The following CRADD variants were observed in gnomAD, a reference collection of about 807,000 sequenced individuals.
CRADD encodes death domain-containing protein CRADD.
In CRADD, 9 loss-of-function variants were observed where a neutral mutation model predicts 15.5. The observed-to-expected ratio is 0.58, with a 90% CI of 0.35 to 1.01. The LOEUF (loss-of-function observed/expected upper bound fraction) is 1.01. CRADD is among the 50% of genes least tolerant of loss of function. The pLI is 0.02. For missense variants in CRADD, 227 were observed against 250.3 expected (o/e 0.91, Z 0.63); for synonymous variants, 118 against 107.6 (o/e 1.10, Z -0.60).
At chr12:93,718,411 G>A (rs2136881262) in intron 2 of CRADD, among the ~76,000 whole-genome samples, 1 of 152,188 alleles carries the variant, frequency 6.6e-6, no homozygotes, top group Non-Finnish European at 1.5e-5. Flanking sequence ...ATCTTTGGGG[G>A]GGTGCTAATG....
At chr12:93,759,398 C>G (rs1956925110) in intron 2 of CRADD, among the ~76,000 whole-genome samples, 1 of 150,616 alleles carries the variant, frequency 6.6e-6, no homozygotes, top group South Asian at 2.2e-4. Context: ...AACTTCCTTT[C>G]TTTGCTTAGA....
chr12:93,893,002 C>T (rs866165476), intron 2 of CRADD, among the ~76,000 whole-genome samples: 1 of 152,158 alleles, frequency 6.6e-6, no homozygotes, highest in African/African-American at 2.4e-5. Context: ...GGGCTGCAGC[C>T]GCCTGGTGCT....
At chr12:93,751,979 A>G (rs904334409) in intron 2 of CRADD, among the ~76,000 whole-genome samples, 1 of 152,164 alleles carries the variant, frequency 6.6e-6, no homozygotes, top group Non-Finnish European at 1.5e-5. Context: ...TTCATACTGT[A>G]GTTACTTAAG....
chr12:93,790,274 C>T (rs541172303), intron 2 of CRADD, among the ~76,000 whole-genome samples: 14 of 151,958 alleles, frequency 9.2e-5, no homozygotes, highest in African/African-American at 3.4e-4. Flanking sequence ...TTCTTTTTGG[C>T]CCCCAAGATA....
Position 93,850,176 on chromosome 12 carries a change from C to T in CRADD, c.505C>T (p.Gln169Ter). Reference protein sequence around the residue: ...QVVEAFIRWRQRFGKQATFQS... With the variant: ...QVVEAFIRWR ...GGTGGAGGCCTTCATCCGTTGGCGG[C>T]AGCGCTTCGGGAAGCAGGCCACCTT... is the stretch of plus-strand genomic sequence containing the variant. Residue 169 changes from glutamine (Q) to a stop codon, truncating the protein, a stop_gained, in exon 3 of 3, where the codon CAG becomes TAG. Coordinates refer to ENST00000332896, the MANE Select transcript of CRADD (RefSeq NM_003805.5). LOFTEE classifies it high-confidence loss of function. The surrounding 1 kb of genome is among the most constrained non-coding windows in gnomAD (Gnocchi z 4.0). 2 of 1,613,818 alleles carry T rather than the reference C, an allele frequency of 1.2e-6. No homozygotes were observed. The highest frequency in any genetic ancestry group is 2.2e-5 in the East Asian group (1 of 44,878).
intron 2 of CRADD, among the ~76,000 whole-genome samples, chr12:93,749,066 A>C (rs983089218): frequency 1.3e-5 from 2 of 152,222 alleles, no homozygotes; most frequent in African/African-American, 4.8e-5. Flanking sequence ...TTCTGGGGAC[A>C]TGATGGTTAA....
Position 93,788,008 on chromosome 12 carries a change from G to T in CRADD, c.299-61962G>T, listed in dbSNP as rs560440838. 2.5e-4 allele frequency among the ~76,000 whole-genome samples: 38 copies of T among 152,292 alleles called. 1 individual carries two copies. In the South Asian group the frequency reaches 7.7e-3, roughly 31 times the overall value. Reference sequence around the variant, plus strand: ...AGGATTATTTGGAGGTTGTGAAGTGGTAAGTCTCTTTATTGCATTTGAAAT... The same window carrying T: ...AGGATTATTTGGAGGTTGTGAAGTGTTAAGTCTCTTTATTGCATTTGAAAT... On this transcript the variant is annotated intron_variant, in intron 2 of 2. Coordinates refer to ENST00000332896, the MANE Select transcript of CRADD (RefSeq NM_003805.5).
chr12:93,796,184 T>C (rs1005029801), intron 2 of CRADD, among the ~76,000 whole-genome samples: 2 of 152,214 alleles, frequency 1.3e-5, no homozygotes, highest in African/African-American at 4.8e-5. Context: ...GGGAACACTT[T>C]ATATAAAGCT....
chr12:93,680,205 A>T (rs1456012007), intron 2 of CRADD, among the ~76,000 whole-genome samples: 1 of 152,232 alleles, frequency 6.6e-6, no homozygotes, highest in Non-Finnish European at 1.5e-5. Flanking sequence ...AATTGAAAAA[A>T]AAAAGTAATT....
intron 2 of CRADD, among the ~76,000 whole-genome samples, chr12:93,873,966 G>A (rs957942350): frequency 6.6e-6 from 1 of 152,010 alleles, no homozygotes; most frequent in African/African-American, 2.4e-5. Flanking sequence ...TGTAGAATGA[G>A]TTTGGAAGTA....
intron 2 of CRADD, among the ~76,000 whole-genome samples, chr12:93,753,023 G>A (rs758722981): frequency 7.2e-5 from 11 of 152,220 alleles, no homozygotes; most frequent in Non-Finnish European, 1.0e-4. Flanking sequence ...ACCCGCCCCC[G>A]TAATTCAACC....
chr12:93,870,059 A>G (rs1958405054), intron 2 of CRADD, among the ~76,000 whole-genome samples: 1 of 152,244 alleles, frequency 6.6e-6, no homozygotes, highest in Non-Finnish European at 1.5e-5. Context: ...GACACATTTA[A>G]TACGTGGAAA....
chr12:93,784,485 C>T (rs982064561), intron 2 of CRADD, among the ~76,000 whole-genome samples: 1 of 152,092 alleles, frequency 6.6e-6, no homozygotes, highest in Admixed American at 6.6e-5. Flanking sequence ...AGCCTTTCCT[C>T]TTCTAACCAC....
chr12:93,838,214 G>GTTTTTTTTTTTTTTTT (rs66564800), intron 2 of CRADD, among the ~76,000 whole-genome samples: 3 of 130,604 alleles, frequency 2.3e-5, no homozygotes, highest in African/African-American at 5.8e-5. Flanking sequence ...TCCTTTTGAG[G>GTTTTTTTTTTTTTTTT]TTTTTTTTTT....
intron 2 of CRADD, among the ~76,000 whole-genome samples, chr12:93,780,884 T>A (rs923471664): frequency 4.0e-5 from 6 of 151,456 alleles, no homozygotes; most frequent in Non-Finnish European, 8.8e-5. Flanking sequence ...ATAGCTGGGA[T>A]TACAGGCACA....
chr12:93,834,056 C>T (rs964806344), intron 2 of CRADD, among the ~76,000 whole-genome samples: 4 of 152,068 alleles, frequency 2.6e-5, no homozygotes, highest in African/African-American at 9.7e-5. Context: ...CCTGGGTGCT[C>T]ATGTTAATGT....
At chr12:93,736,384 T>C (rs1345673895) in intron 2 of CRADD, among the ~76,000 whole-genome samples, 1 of 152,216 alleles carries the variant, frequency 6.6e-6, no homozygotes, top group Non-Finnish European at 1.5e-5. Context: ...AAAGTCCTTA[T>C]ATTCAAAACT....
chr12:93,732,485 C>A (rs549949157), intron 2 of CRADD, among the ~76,000 whole-genome samples: 1 of 152,266 alleles, frequency 6.6e-6, no homozygotes, highest in South Asian at 2.1e-4. Flanking sequence ...TAGTAATGGG[C>A]TCTTAGAGAT....
chr12:93,867,547 T>C (rs1392721612), intron 2 of CRADD, among the ~76,000 whole-genome samples: 1 of 152,040 alleles, frequency 6.6e-6, no homozygotes, highest in African/African-American at 2.4e-5. Flanking sequence ...CATATTAGAA[T>C]ATTTCTTACT....
Sources: allele counts gnomAD v4.1 joint callset (sites outside exome capture counted in the v4.1 genomes callset), GRCh38; gene constraint gnomAD v4.1.1; non-coding constraint Gnocchi (gnomAD v3.1); transcripts MANE v1.5; gene names NCBI Gene and HGNC (gene_info 2026-07-23, HGNC 2026-07-21).